HIBCH: variants seen among roughly 807,000 people sequenced by gnomAD.
HIBCH encodes 3-hydroxyisobutyryl-CoA hydrolase.
A neutral mutation model predicts 58.2 loss-of-function variants in HIBCH; 50 were observed. The observed-to-expected ratio is 0.86, with a 90% CI of 0.68 to 1.09. HIBCH has a LOEUF of 1.09. Among genes scored for constraint, HIBCH ranks in the 50% least tolerant of loss-of-function variants. HIBCH has a pLI of 0.00. For synonymous variants in HIBCH, 151 were observed against 146.9 expected (o/e 1.03, Z -0.20); for missense variants, 450 against 449.7 (o/e 1.00, Z -0.01).
At chr2:190,240,512 T>G (rs979369238) in intron 11 of HIBCH, among the ~76,000 whole-genome samples, 1 of 152,218 alleles carries the variant, frequency 6.6e-6, no homozygotes, top group African/African-American at 2.4e-5. Flanking sequence ...GCTTTGTTAT[T>G]TCCTGTCTTC....
At chr2:190,286,006 T>G (rs1376062350) in intron 6 of HIBCH, among the ~76,000 whole-genome samples, 1 of 152,038 alleles carries the variant, frequency 6.6e-6, no homozygotes, top group Non-Finnish European at 1.5e-5. Flanking sequence ...CACACCCAAC[T>G]GATTTTTGTA....
chr2:190,195,944 T>TTTC (rs1553490733), intron 1 of HIBCH, among the ~76,000 whole-genome samples: 5 of 140,476 alleles, frequency 3.6e-5, no homozygotes, highest in Admixed American at 7.0e-5. Context: ...TGTCCAGCTT[T>TTTC]TTTTTTTTTT....
At position 190,216,610 on chromosome 2, in the gene HIBCH, A is replaced by C. The variant is rs992867277; in HGVS notation, c.892-3535T>G. Among the ~76,000 whole-genome samples, 2 of 152,212 alleles carry C rather than the reference A, an allele frequency of 1.3e-5. No homozygotes were observed. The highest frequency in any genetic ancestry group is 2.9e-5 in the Non-Finnish European group (2 of 68,026). On this transcript the variant is annotated intron_variant, in intron 11 of 13. Transcript: ENST00000359678. This position sits in a 1 kb window ranked among gnomAD's most constrained non-coding sequence, Gnocchi z 4.2. ...GCCACAGCTGCTCAGCTGTGATGCC[A>C]AACTGTCTGCTTTGTCAGAGGCCAG...
chr2:190,291,687 TAA>T (rs1300538899), intron 4 of HIBCH, among the ~76,000 whole-genome samples: 5 of 152,324 alleles, frequency 3.3e-5, no homozygotes, highest in African/African-American at 1.2e-4. Flanking sequence ...AAATGCTCAG[TAA>T]ATATCTACTG....
At chr2:190,271,294 T>C (rs1019354269) in intron 6 of HIBCH, among the ~76,000 whole-genome samples, 15 of 146,642 alleles carry the variant, frequency 1.0e-4, no homozygotes, top group African/African-American at 3.8e-4. Context: ...TTTTTTTTTT[T>C]TTTTTTTTTT....
chr2:190,289,944 C>T (rs1429947965), intron 5 of HIBCH, among the ~76,000 whole-genome samples: 1 of 152,198 alleles, frequency 6.6e-6, no homozygotes, highest in Non-Finnish European at 1.5e-5. Flanking sequence ...GTGGTGCAAT[C>T]TCGAATCACT....
chr2:190,319,668 C>T (rs1315731516), intron 1 of HIBCH, 48 bp downstream of exon 1: 1 of 1,500,960 alleles, frequency 6.7e-7, no homozygotes, highest in Admixed American at 1.7e-5. Context: ...CCCACTGTGG[C>T]GAGTGCCGCT....
At position 190,226,868 on chromosome 2, in the gene HIBCH, C is replaced by A. The variant is rs141005612; in HGVS notation, c.892-13793G>T. 4.1e-3 allele frequency among the ~76,000 whole-genome samples: 617 copies of A among 152,210 alleles called. 1 individual carries two copies. Among genetic ancestry groups the A allele is most frequent in the African/African-American group, 0.014 (570 of 41,528 alleles). On this transcript the variant is annotated intron_variant, in intron 11 of 13. Transcript: ENST00000359678. The stretch of plus-strand genomic sequence containing the variant: ...AATAAAATACCTAAAATCCAACTTA[C>A]AAGGGATGTGAAGGACCTCTTCAAG...
At chr2:190,290,520 ATT>A in intron 4 of HIBCH, 35 bp from the exon 5 acceptor site, 1 of 1,303,592 alleles carries the variant, frequency 7.7e-7, no homozygotes, top group Non-Finnish European at 1.1e-6. Context: ...AAAAAAAAAG[ATT>A]TAATAGTCAA....
chr2:190,314,320 T>TATATATATAC (rs200549435), intron 1 of HIBCH, among the ~76,000 whole-genome samples: 3 of 109,832 alleles, frequency 2.7e-5, no homozygotes, highest in Admixed American at 1.1e-4. Context: ...TGTATATATA[T>TATATATATAC]GTATATATGT....
In HIBCH at chr2:190,274,002, A is replaced by G. The variant is rs530435222; in HGVS notation, c.439-12768T>C. On this transcript the variant is annotated intron_variant, in intron 6 of 13. Coordinates refer to ENST00000359678, the MANE Select transcript of HIBCH (RefSeq NM_014362.4). ...TTTTTTGGAGACACAGAGTCTCGCT[A>G]TATTGCCTAGGCTGGACTTGAACTT... 2.6e-5 allele frequency among the ~76,000 whole-genome samples: 4 copies of G among 152,222 alleles called. No homozygotes were observed. In the South Asian group the frequency reaches 6.2e-4, roughly 24 times the overall value.
At chr2:190,200,454 G>T, downstream of HIBCH, 1 of 241,228 alleles carries the variant, frequency 4.1e-6, no homozygotes, top group Non-Finnish European at 8.8e-6. Context: ...AAAATGCTAA[G>T]GAATAAAAAC....
rs551252168 is a variant in HIBCH at position 190,217,406 on chromosome 2, C to A, written c.892-4331G>T. 1.3e-5 allele frequency among the ~76,000 whole-genome samples: 2 copies of A among 152,228 alleles called. No individual in the cohort carries two copies. Among genetic ancestry groups the A allele is most frequent in the African/African-American group, 4.8e-5 (2 of 41,540 alleles). On this transcript the variant is annotated intron_variant, in intron 11 of 13. Transcript: ENST00000359678. This position sits in a 1 kb window ranked among gnomAD's most constrained non-coding sequence, Gnocchi z 4.6. ...GGCTGAGGCAGGAGAATAGCTTGAACCCAGGAGATGGAGGTTGCAGTGAGT... is the reference window on the plus strand; with the variant it reads ...GGCTGAGGCAGGAGAATAGCTTGAAACCAGGAGATGGAGGTTGCAGTGAGT...
intron 11 of HIBCH, among the ~76,000 whole-genome samples, chr2:190,230,509 A>G (rs559417954): frequency 2.6e-4 from 39 of 152,346 alleles, no homozygotes; most frequent in African/African-American, 9.1e-4. Flanking sequence ...AGCCTGGCCA[A>G]TAAGGTGAAA....
chr2:190,278,604 A>G (rs1358728559), intron 6 of HIBCH, among the ~76,000 whole-genome samples: 1 of 135,826 alleles, frequency 7.4e-6, no homozygotes, highest in Non-Finnish European at 1.6e-5. Context: ...AGGAGACACA[A>G]CCACACACAA....
At chr2:190,235,432 C>T (rs778837481) in intron 11 of HIBCH, among the ~76,000 whole-genome samples, 1 of 152,160 alleles carries the variant, frequency 6.6e-6, no homozygotes, top group Non-Finnish European at 1.5e-5. Context: ...TTAATCACGA[C>T]CCTCAATCTT....
intron 11 of HIBCH, among the ~76,000 whole-genome samples, chr2:190,222,639 G>A (rs557899575): frequency 2.0e-5 from 3 of 152,324 alleles, no homozygotes; most frequent in Admixed American, 6.5e-5. Context: ...TGGAGAGGCT[G>A]TGGAAAAATA....
Position 190,244,972 on chromosome 2 carries a change from T to C in HIBCH, c.810-4A>G, listed in dbSNP as rs573302664. 2.2e-5 allele frequency: 35 copies of C among 1,561,524 alleles called. No homozygotes were observed. In the East Asian group the frequency reaches 5.8e-4, roughly 26 times the overall value. On this transcript the variant is annotated splice_polypyrimidine_tract_variant and splice_region_variant and intron_variant, in intron 10 of 13. Coordinates refer to ENST00000359678, the MANE Select transcript of HIBCH (RefSeq NM_014362.4). The stretch of plus-strand genomic sequence containing the variant: ...CACAGTATTGGCTGAAAAACAACTA[T>C]AAAAAAAGGAAATGTGATTTCACCA...
intron 3 of HIBCH, among the ~76,000 whole-genome samples, chr2:190,296,399 G>A (rs560183986): frequency 3.5e-5 from 5 of 141,986 alleles, no homozygotes; most frequent in East Asian, 4.1e-4. Context: ...CAGCCTGGGC[G>A]ACAGAGTGAG....
Sources: gnomAD v4.1 joint callset for allele counts (sites outside exome capture counted in the v4.1 genomes callset) on GRCh38, gnomAD v4.1.1 for gene constraint, Gnocchi (gnomAD v3.1) non-coding constraint, MANE v1.5 for transcripts, NCBI Gene and HGNC (gene_info 2026-07-23, HGNC 2026-07-21) for gene names.